Variants in TMEM132B observed in about 807,000 individuals in gnomAD.
The protein encoded by TMEM132B is transmembrane protein 132B.
In TMEM132B, 18 loss-of-function variants were observed where a neutral mutation model predicts 90.8. The observed-to-expected ratio is 0.20, with a 90% confidence interval of 0.14 to 0.29. The LOEUF (loss-of-function observed/expected upper bound fraction) is 0.29, where lower values mean the gene tolerates loss of function less well. TMEM132B is among the 10% of genes least tolerant of loss of function. The probability of loss-of-function intolerance (pLI) is 1.00; values close to 1 mark genes in which losing one functional copy is unlikely to be tolerated. For missense variants in TMEM132B, 1,096 were observed against 1,326.8 expected, an observed-to-expected ratio of 0.83 and a Z score of 2.70; for synonymous variants, 504 against 523.3, an observed-to-expected ratio of 0.96 and a Z score of 0.50.
In TMEM132B at chr12:125,445,838, C is replaced by T. The variant is rs1880993087; in HGVS notation, c.1106+30161C>T. Among the ~76,000 whole-genome samples, 1 of 152,228 alleles carries T rather than the reference C, an allele frequency of 6.6e-6. No homozygotes were observed. Among genetic ancestry groups the T allele is most frequent in the African/African-American group, 2.4e-5 (1 of 41,460 alleles). On this transcript the variant is annotated intron_variant, in intron 3 of 8. Transcript: ENST00000682704. The surrounding 1 kb of genome is among the most constrained non-coding windows in gnomAD (Gnocchi z 4.3). ...CACACCTCAGGCCATGTGCTACCCT[C>T]CTGGGGAGTGGCTCTCAACACTGTG...
At chr12:125,496,214 G>C (rs940270156) in intron 3 of TMEM132B, among the ~76,000 whole-genome samples, 2 of 152,140 alleles carry the variant, frequency 1.3e-5, no homozygotes, top group African/African-American at 2.4e-5. Context: ...ATGTGTAATT[G>C]TAAGACTTCG....
At chr12:125,611,515 A>T (rs1033481464) in intron 5 of TMEM132B, among the ~76,000 whole-genome samples, 2 of 151,992 alleles carry the variant, frequency 1.3e-5, no homozygotes, top group Non-Finnish European at 2.9e-5. Context: ...TTGAGAACTT[A>T]TATTTTTATA....
At chr12:125,332,618 T>TTTTTTG (rs1876818110) in intron 1 of TMEM132B, among the ~76,000 whole-genome samples, 1 of 108,864 alleles carries the variant, frequency 9.2e-6, no homozygotes. Flanking sequence ...TTTTTTTTTT[T>TTTTTTG]AAGACAGTAG....
intron 2 of TMEM132B, among the ~76,000 whole-genome samples, chr12:125,365,374 T>G (rs1349515904): frequency 1.3e-5 from 2 of 152,106 alleles, no homozygotes; most frequent in South Asian, 2.1e-4. Flanking sequence ...TAGATATATG[T>G]TAAAAACCCT....
At chr12:125,414,183 G>A (rs1316325242) in intron 2 of TMEM132B, among the ~76,000 whole-genome samples, 1 of 152,152 alleles carries the variant, frequency 6.6e-6, no homozygotes, top group Non-Finnish European at 1.5e-5. Flanking sequence ...TTTTAATTAT[G>A]TTATTTGCTT....
intron 1 of TMEM132B, among the ~76,000 whole-genome samples, chr12:125,229,344 T>C (rs73233323): frequency 0.035 from 5,348 of 152,300 alleles, 137 homozygotes; most frequent in Middle Eastern, 0.082. Context: ...AGCATACTTA[T>C]ATTTTGTGCC....
rs192666416 is a variant in TMEM132B, at chr12:125,605,709, C to T, written c.1437+21715C>T. On this transcript the variant is annotated intron_variant, in intron 5 of 8. Transcript: ENST00000682704. ...TACACTTTCTTAAGTACTTTTCATG[C>T]AAGACAAGCTTATATGTTAGGGGTT... Among the ~76,000 whole-genome samples, 160 of 152,264 alleles carry T rather than the reference C, an allele frequency of 1.1e-3. 1 individual carries two copies. Among genetic ancestry groups the T allele is most frequent in the Admixed American group, 4.4e-3 (68 of 15,286 alleles).
At chr12:125,489,315 A>C (rs1882289756) in intron 3 of TMEM132B, among the ~76,000 whole-genome samples, 1 of 152,204 alleles carries the variant, frequency 6.6e-6, no homozygotes, top group Admixed American at 6.5e-5. Context: ...AAGGTCACAC[A>C]ACTCACATAT....
intron 2 of TMEM132B, among the ~76,000 whole-genome samples, chr12:125,387,636 C>G (rs1189190439): frequency 6.6e-6 from 1 of 152,174 alleles, no homozygotes; most frequent in Non-Finnish European, 1.5e-5. Context: ...TAAATACCAC[C>G]TACCTTGTTG....
intron 1 of TMEM132B, among the ~76,000 whole-genome samples, chr12:125,211,008 T>C (rs1873306164): frequency 6.6e-6 from 1 of 151,564 alleles, no homozygotes; most frequent in African/African-American, 2.4e-5. Context: ...GTGACAGAGG[T>C]TGCAGTGATC....
intron 3 of TMEM132B, among the ~76,000 whole-genome samples, chr12:125,472,064 T>G (rs1429715478): frequency 6.6e-6 from 1 of 152,196 alleles, no homozygotes; most frequent in Non-Finnish European, 1.5e-5. Context: ...TGAATGGCTA[T>G]TCCAACATCC....
At chr12:125,375,973 C>T (rs913817157) in intron 2 of TMEM132B, among the ~76,000 whole-genome samples, 6 of 152,182 alleles carry the variant, frequency 3.9e-5, no homozygotes, top group Non-Finnish European at 8.8e-5. Flanking sequence ...GTAGGTATTC[C>T]GGTACCACTT....
intron 5 of TMEM132B, among the ~76,000 whole-genome samples, chr12:125,639,772 C>T (rs952800029): frequency 1.6e-4 from 24 of 152,148 alleles, no homozygotes; most frequent in Admixed American, 1.2e-3. Context: ...TGACCAGAGG[C>T]GGGTGCCAAG....
At chr12:125,357,900 C>A (rs1877832642) in intron 2 of TMEM132B, among the ~76,000 whole-genome samples, 1 of 152,216 alleles carries the variant, frequency 6.6e-6, no homozygotes, top group South Asian at 2.1e-4. Context: ...GCCTTAGTTG[C>A]ACCCCAGGCA....
At chr12:125,457,863 C>T (rs1168444039) in intron 3 of TMEM132B, among the ~76,000 whole-genome samples, 1 of 152,156 alleles carries the variant, frequency 6.6e-6, no homozygotes, top group Admixed American at 6.5e-5. Context: ...TGTACATGTC[C>T]AGGTGAGTGT....
At chr12:125,582,792 TCC>T (rs967648058) in intron 4 of TMEM132B, among the ~76,000 whole-genome samples, 10 of 152,280 alleles carry the variant, frequency 6.6e-5, no homozygotes, top group African/African-American at 2.2e-4. Flanking sequence ...TTTCATAAGG[TCC>T]CCATACAGGA....
At chr12:125,341,607 ACTATT>A (rs1877182498) in intron 1 of TMEM132B, among the ~76,000 whole-genome samples, 1 of 152,158 alleles carries the variant, frequency 6.6e-6, no homozygotes, top group African/African-American at 2.4e-5. Context: ...CCTTACCCTG[ACTATT>A]CATTTTTATG....
At position 125,213,909 on chromosome 12, in the gene TMEM132B, A is replaced by G. The variant is rs1022792900; in HGVS notation, c.67+27043A>G. Among the ~76,000 whole-genome samples the G allele has an allele frequency of 2.0e-5, 3 of 152,206 alleles. No individual in the cohort carries two copies. Among genetic ancestry groups the G allele is most frequent in the Non-Finnish European group, 4.4e-5 (3 of 68,026 alleles). ...GGATAACTCATTCATTTATCAATCTATCCAAATGGATGGATTTAGTCATTC... is the reference window on the plus strand; with the variant it reads ...GGATAACTCATTCATTTATCAATCTGTCCAAATGGATGGATTTAGTCATTC... On this transcript the variant is annotated intron_variant, in intron 1 of 8. Transcript: ENST00000682704. This position sits in a 1 kb window ranked among gnomAD's most constrained non-coding sequence, Gnocchi z 4.2.
At chr12:125,599,294 G>T (rs1342325551) in intron 5 of TMEM132B, among the ~76,000 whole-genome samples, 3 of 152,166 alleles carry the variant, frequency 2.0e-5, no homozygotes, top group Non-Finnish European at 4.4e-5. Flanking sequence ...CTTCTGCCGT[G>T]ATTGTGAGGC....
Sources: gnomAD v4.1 joint callset for allele counts (sites outside exome capture counted in the v4.1 genomes callset) on GRCh38, gnomAD v4.1.1 for gene constraint, Gnocchi (gnomAD v3.1) non-coding constraint, MANE v1.5 for transcripts, NCBI Gene and HGNC (gene_info 2026-07-23, HGNC 2026-07-21) for gene names.